The following AEBP2 variants were observed in gnomAD, a reference collection of about 807,000 sequenced individuals.
AEBP2 encodes the protein AE binding protein 2, also known as zinc finger protein AEBP2.
In AEBP2, 10 loss-of-function variants were observed where a neutral mutation model predicts 50.8. The observed-to-expected ratio is 0.20, with a 90% CI of 0.12 to 0.33. The LOEUF (loss-of-function observed/expected upper bound fraction) is 0.33, where lower values mean the gene tolerates loss of function less well. Ranked by LOEUF, AEBP2 falls within the 10% of genes least tolerant of loss-of-function variation. The pLI is 1.00. For synonymous variants in AEBP2, 296 were observed against 261.3 expected, an observed-to-expected ratio of 1.13 and a Z score of -1.28; for missense variants, 570 against 688.0, an observed-to-expected ratio of 0.83 and a Z score of 1.92.
At chr12:19,445,343 C>T (rs1948040867) in intron 1 of AEBP2, among the ~76,000 whole-genome samples, 2 of 151,106 alleles carry the variant, frequency 1.3e-5, no homozygotes, top group African/African-American at 2.4e-5. Flanking sequence ...GGATTACAGG[C>T]GCATGCCACC....
At chr12:19,435,598 C>G (rs1300559636), upstream of AEBP2, among the ~76,000 whole-genome samples, 1 of 152,032 alleles carries the variant, frequency 6.6e-6, no homozygotes, top group Non-Finnish European at 1.5e-5. Context: ...TTTTAGCTTT[C>G]TTGCCATGAT....
At chr12:19,486,944 C>T (rs1389502078) in intron 3 of AEBP2, among the ~76,000 whole-genome samples, 4 of 152,088 alleles carry the variant, frequency 2.6e-5, no homozygotes, top group Admixed American at 1.3e-4. Context: ...AGGCATCTAC[C>T]GATCCTTTTA....
At chr12:19,414,305 G>A (rs2095741069) in intron 1 of AEBP2, among the ~76,000 whole-genome samples, 1 of 152,118 alleles carries the variant, frequency 6.6e-6, no homozygotes, top group South Asian at 2.1e-4. Context: ...ATTTTACCCA[G>A]CTCCTATTCA....
intron 1 of AEBP2, among the ~76,000 whole-genome samples, chr12:19,429,734 A>G (rs1233596815): frequency 1.3e-5 from 2 of 151,880 alleles, no homozygotes; most frequent in Admixed American, 6.6e-5. Context: ...GCCAGTGATG[A>G]TGAGCATTTT....
chr12:19,447,971 C>T (rs1222193003), intron 1 of AEBP2, among the ~76,000 whole-genome samples: 1 of 152,170 alleles, frequency 6.6e-6, no homozygotes, highest in South Asian at 2.1e-4. Flanking sequence ...TAGACAAACT[C>T]GGAATATTGC....
intron 3 of AEBP2, among the ~76,000 whole-genome samples, chr12:19,487,933 G>A (rs1375455020): frequency 1.3e-5 from 2 of 152,176 alleles, no homozygotes; most frequent in East Asian, 1.9e-4. Context: ...GTTTTGTGGT[G>A]CGCAAGATGA....
At position 19,439,678 on chromosome 12, in the gene AEBP2, AG is replaced by A; in HGVS notation, c.-20del. 1.3e-6 allele frequency: 2 copies of A among 1,509,886 alleles called. No individual in the cohort carries two copies. The highest frequency in any genetic ancestry group is 2.7e-5 in the East Asian group (1 of 37,556). The allele number at this position is 1,509,886 out of a possible 1,614,324, so 93.5% of individuals were successfully genotyped here. A position where few individuals can be genotyped will look rare whatever the true frequency, so the allele number is the denominator to read the frequency against. ...GGAGGCGGCGGTGGGGAGGAGGAGG[AG>A]GAGGAGGAGCAGGCGCCGCCATGGC... On this transcript the variant is annotated 5_prime_UTR_variant, in exon 1 of 8. Coordinates refer to ENST00000266508, the MANE Select transcript of AEBP2 (RefSeq NM_153207.5).
intron 1 of AEBP2, chr12:19,457,696 AC>A (rs1429614030): frequency 1.7e-6 from 2 of 1,156,310 alleles, no homozygotes; most frequent in Non-Finnish European, 2.3e-6. Context: ...CTGGCGGCAA[AC>A]CCATTGTGAA....
chr12:19,461,736 C>G (rs1300380913), intron 1 of AEBP2, among the ~76,000 whole-genome samples: 1 of 152,138 alleles, frequency 6.6e-6, no homozygotes, highest in Non-Finnish European at 1.5e-5. Context: ...GTTTCAAACT[C>G]CTGGCATCAG....
At chr12:19,507,197 C>T (rs761130904) in intron 5 of AEBP2, among the ~76,000 whole-genome samples, 13 of 152,092 alleles carry the variant, frequency 8.5e-5, no homozygotes, top group Non-Finnish European at 1.9e-4. Flanking sequence ...GTGTTTGGGG[C>T]TTACCAAACA....
chr12:19,500,344 G>T, intron 5 of AEBP2, 123 bp downstream of exon 5: 2 of 992,888 alleles, frequency 2.0e-6, no homozygotes, highest in Non-Finnish European at 1.4e-6. Flanking sequence ...AAAACCTTTT[G>T]TTTTATCAGT....
At chr12:19,414,985 T>C (rs751354529) in intron 1 of AEBP2, among the ~76,000 whole-genome samples, 5 of 151,560 alleles carry the variant, frequency 3.3e-5, no homozygotes, top group Non-Finnish European at 7.4e-5. Context: ...ACCTGAGAGT[T>C]TGCATGTTTC....
intron 5 of AEBP2, among the ~76,000 whole-genome samples, chr12:19,504,711 G>T (rs1341612722): frequency 6.6e-6 from 1 of 152,062 alleles, no homozygotes; most frequent in Non-Finnish European, 1.5e-5. Context: ...TCACCCTTTT[G>T]TTCTTCCTTG....
chr12:19,507,471 A>G (rs2120566236), intron 5 of AEBP2, among the ~76,000 whole-genome samples: 1 of 152,366 alleles, frequency 6.6e-6, no homozygotes, highest in East Asian at 1.9e-4. Context: ...CAGACTCAAA[A>G]TAGTCCATGA....
intron 1 of AEBP2, among the ~76,000 whole-genome samples, chr12:19,450,072 C>G (rs1256013667): frequency 6.6e-6 from 1 of 151,932 alleles, no homozygotes; most frequent in Non-Finnish European, 1.5e-5. Flanking sequence ...GTTTATAGAC[C>G]AAAAAGCCTA....
At position 19,473,166 on chromosome 12, in the gene AEBP2, CAT is replaced by C. The variant is rs1368198402; in HGVS notation, c.880-81_880-80del. The C allele has an allele frequency of 2.1e-5, 11 of 519,682 alleles. No individual in the cohort carries two copies. In the East Asian group the frequency reaches 2.7e-4, roughly 13 times the overall value. 32.2% of individuals were successfully genotyped at this position (519,682 alleles called of 1,614,324 possible). The stretch of plus-strand genomic sequence containing the variant: ...GCTCTTGTCAGTTGAAGAGTTGTAA[CAT>C]GTTAATTTGAATGTATGAGGAATCA... On this transcript the variant is annotated intron_variant, in intron 2 of 7. Coordinates refer to ENST00000266508, the MANE Select transcript of AEBP2 (RefSeq NM_153207.5).
upstream of AEBP2, among the ~76,000 whole-genome samples, chr12:19,435,829 A>T (rs1032383311): frequency 1.3e-5 from 2 of 152,140 alleles, no homozygotes; most frequent in Non-Finnish European, 2.9e-5. Flanking sequence ...CATGAACCAT[A>T]ATCTCCAGGG....
rs569003269 is a variant in AEBP2, at chr12:19,420,021, GTTTTTTTTTT to G, written c.-17+15815_-17+15824del. ...CAATAATTTCAAGTGTGCATTAATA[GTTTTTTTTTT>G]TTTTTTTTTGAGATGGAGTTTTGCT... is the stretch of plus-strand genomic sequence containing the variant. On this transcript the variant is annotated intron_variant, in intron 1 of 3. Transcript: ENST00000538425. Among the ~76,000 whole-genome samples the G allele has an allele frequency of 3.9e-3, 506 of 128,884 alleles. 7 individuals are homozygous for G. The highest frequency in any genetic ancestry group is 0.014 in the African/African-American group (490 of 35,086). The allele number at this position is 128,884 out of a possible 152,430, so 84.6% of individuals were successfully genotyped here.
At chr12:19,433,626 A>G (rs1367900579) in intron 1 of AEBP2, among the ~76,000 whole-genome samples, 1 of 151,828 alleles carries the variant, frequency 6.6e-6, no homozygotes, top group African/African-American at 2.4e-5. Context: ...TTAAAAATGC[A>G]TAAATTAGCT....
Sources: gnomAD v4.1 joint callset for allele counts (sites outside exome capture counted in the v4.1 genomes callset) on GRCh38, gnomAD v4.1.1 for gene constraint, MANE v1.5 for transcripts, NCBI Gene and HGNC (gene_info 2026-07-23, HGNC 2026-07-21) for gene names.